The following ULK4 variants were observed in gnomAD, a reference collection of about 807,000 sequenced individuals.
ULK4 encodes the protein unc-51 like kinase 4, also known as inactive serine/threonine-protein kinase ULK4.
Under a neutral mutation model 160.6 loss-of-function variants are expected in ULK4, and 133 were observed. That is an observed-to-expected ratio of 0.83 (90% CI 0.72 to 0.96). The LOEUF is 0.96. ULK4 is among the 40% of genes least tolerant of loss of function. ULK4 has a pLI of 0.00. For synonymous variants in ULK4, 534 were observed against 539.8 expected, an observed-to-expected ratio of 0.99 and a Z score of 0.15; for missense variants, 1,580 against 1,499.5, an observed-to-expected ratio of 1.05 and a Z score of -0.89.
chr3:41,716,403 G>A (rs924057021), intron 23 of ULK4, among the ~76,000 whole-genome samples: 9 of 151,798 alleles, frequency 5.9e-5, no homozygotes, highest in East Asian at 3.9e-4. Flanking sequence ...GAATCTTATC[G>A]CCATACCCTA....
intron 35 of ULK4, among the ~76,000 whole-genome samples, chr3:41,306,250 C>T (rs1331009467): frequency 3.5e-5 from 4 of 113,618 alleles, no homozygotes; most frequent in Admixed American, 2.4e-4. Flanking sequence ...CGGCCAGCCG[C>T]CCCGTCCGGG....
At chr3:41,469,552 C>T (rs1283544723) in intron 32 of ULK4, among the ~76,000 whole-genome samples, 2 of 119,906 alleles carry the variant, frequency 1.7e-5, no homozygotes, top group African/African-American at 6.5e-5. Flanking sequence ...CCATCAAAGC[C>T]GGCCCATCTA....
chr3:41,283,323 T>C (rs1383565564), intron 35 of ULK4, among the ~76,000 whole-genome samples: 1 of 152,204 alleles, frequency 6.6e-6, no homozygotes, highest in African/African-American at 2.4e-5. Flanking sequence ...GTATACATCA[T>C]GCTACTGTAA....
intron 17 of ULK4, among the ~76,000 whole-genome samples, chr3:41,838,469 A>G (rs2041823389): frequency 1.3e-5 from 2 of 152,200 alleles, no homozygotes; most frequent in South Asian, 4.1e-4. Context: ...ACATACAGCA[A>G]TCACTAAAAA....
chr3:41,948,779 T>A lies in ULK4; in HGVS notation c.138+5843A>T, dbSNP rs535339178. Among the ~76,000 whole-genome samples the A allele has an allele frequency of 8.7e-3, 1,146 of 132,222 alleles. 21 individuals carry two copies. Among genetic ancestry groups the A allele is most frequent in the African/African-American group, 0.03 (1,069 of 35,936 alleles). The allele number at this position is 132,222 out of a possible 152,430, so 86.7% of individuals were successfully genotyped here. On this transcript the variant is annotated intron_variant, in intron 2 of 36. Transcript: ENST00000301831. ...ATAGAAGGAAACTATCTCAACATAATAAAAGTCATATATGAAAAACCCAAA... is the reference window on the plus strand; with the variant it reads ...ATAGAAGGAAACTATCTCAACATAAAAAAAGTCATATATGAAAAACCCAAA...
In ULK4 at chr3:41,463,215, C is replaced by T; in HGVS notation, c.3265G>A (p.Ala1089Thr). The change falls in exon 33 of 37, where the codon GCC (alanine) becomes ACC (threonine). Residue 1089 changes from alanine to threonine, a missense_variant. Coordinates refer to ENST00000301831, the MANE Select transcript of ULK4 (RefSeq NM_017886.4). ...TTGTCCACATCCAAGCACAGTGTGG[C>T]AGTTTCAGTGAGCAGGTTACAGATG... ...SHICNLLTET[A>T]TLCLDVDNKN... 2.5e-6 allele frequency: 4 copies of T among 1,613,424 alleles called. No homozygotes were observed. Among genetic ancestry groups the T allele is most frequent in the Non-Finnish European group, 3.4e-6 (4 of 1,179,612 alleles).
intron 34 of ULK4, among the ~76,000 whole-genome samples, chr3:41,422,630 T>C (rs556331585): frequency 1.3e-5 from 2 of 152,260 alleles, no homozygotes; most frequent in Admixed American, 1.3e-4. Context: ...AATTGAAAGT[T>C]TGTGATACGT....
intron 35 of ULK4, among the ~76,000 whole-genome samples, chr3:41,383,734 G>A (rs1455680278): frequency 6.6e-6 from 1 of 152,198 alleles, no homozygotes; most frequent in African/African-American, 2.4e-5. Flanking sequence ...TGGTTCTCAA[G>A]AGGCTGCAGA....
At chr3:41,373,388 T>A (rs2081412564) in intron 35 of ULK4, among the ~76,000 whole-genome samples, 1 of 152,068 alleles carries the variant, frequency 6.6e-6, no homozygotes, top group African/African-American at 2.4e-5. Flanking sequence ...TAATTGGAAG[T>A]AAACACTCCT....
rs139417130 is a variant in ULK4, at chr3:41,269,330, C to T, written c.3679-19756G>A. Reference sequence around the variant, plus strand: ...CCCAGCTGGCAGGAATGTCACATATCGCTCAACATGTCCTTTTACAGGAAA... The same window carrying T: ...CCCAGCTGGCAGGAATGTCACATATTGCTCAACATGTCCTTTTACAGGAAA... On this transcript the variant is annotated intron_variant, in intron 35 of 36. Transcript: ENST00000301831. Among the ~76,000 whole-genome samples the T allele has an allele frequency of 3.2e-3, 487 of 152,046 alleles. 3 individuals carry two copies. The highest frequency in any genetic ancestry group is 0.011 in the African/African-American group (457 of 41,478).
chr3:41,951,641 A>C (rs1393633851), intron 2 of ULK4, among the ~76,000 whole-genome samples: 1 of 152,216 alleles, frequency 6.6e-6, no homozygotes, highest in African/African-American at 2.4e-5. Context: ...CTGGATATCC[A>C]CATGTAAAAG....
At chr3:41,404,277 T>A (rs905214844) in intron 34 of ULK4, among the ~76,000 whole-genome samples, 3 of 150,168 alleles carry the variant, frequency 2.0e-5, no homozygotes. Context: ...TTGTTTAGAA[T>A]GCATACATTT....
At chr3:41,351,081 C>T (rs1452872566) in intron 35 of ULK4, among the ~76,000 whole-genome samples, 1 of 152,230 alleles carries the variant, frequency 6.6e-6, no homozygotes. Flanking sequence ...TTCCTTTCCA[C>T]TCCACACTGA....
chr3:41,731,971 C>T (rs985377582), intron 22 of ULK4, among the ~76,000 whole-genome samples: 8 of 152,054 alleles, frequency 5.3e-5, no homozygotes, highest in Admixed American at 5.2e-4. Flanking sequence ...TCACCGTATA[C>T]AAAAATCAAG....
chr3:41,398,338 T>C, intron 34 of ULK4, 74 bp from the exon 35 acceptor site: 2 of 1,518,076 alleles, frequency 1.3e-6, no homozygotes, highest in South Asian at 2.4e-5. Flanking sequence ...CACAGTAAAA[T>C]TTGGCTTGAT....
chr3:41,828,551 T>A (rs561212210), intron 18 of ULK4, among the ~76,000 whole-genome samples: 2 of 135,314 alleles, frequency 1.5e-5, no homozygotes, highest in South Asian at 4.6e-4. Flanking sequence ...CACAACTGCT[T>A]CAAAGAGAAT....
intron 16 of ULK4, among the ~76,000 whole-genome samples, chr3:41,894,303 T>C (rs577776490): frequency 5.3e-5 from 8 of 152,302 alleles, no homozygotes; most frequent in Admixed American, 6.5e-5. Flanking sequence ...TACTCAACCA[T>C]TACCTAAAAA....
At chr3:41,512,307 C>T (rs2125924980) in intron 32 of ULK4, among the ~76,000 whole-genome samples, 1 of 152,284 alleles carries the variant, frequency 6.6e-6, no homozygotes, top group Non-Finnish European at 1.5e-5. Context: ...AAATAAAGGA[C>T]ATCCACATTG....
intron 1 of ULK4, 104 bp from the exon 2 acceptor site, chr3:41,954,911 A>G: frequency 1.4e-6 from 1 of 720,802 alleles, no homozygotes; most frequent in Non-Finnish European, 2.1e-6. Flanking sequence ...AAATCTAGCA[A>G]ATCGACAAAT....
Sources: gnomAD v4.1 joint callset for allele counts (sites outside exome capture counted in the v4.1 genomes callset) on GRCh38, gnomAD v4.1.1 for gene constraint, MANE v1.5 for transcripts, NCBI Gene and HGNC (gene_info 2026-07-23, HGNC 2026-07-21) for gene names.